Variants in OCA2 observed in about 807,000 individuals in gnomAD.
The protein encoded by OCA2 is OCA2 melanosomal transmembrane protein.
A neutral mutation model predicts 100.2 loss-of-function variants in OCA2; 77 were observed. The ratio of observed to expected loss-of-function variants is 0.77; its 90% CI spans 0.64 to 0.93. OCA2 has a LOEUF of 0.93. Among genes scored for constraint, OCA2 ranks in the 40% least tolerant of loss-of-function variants. The pLI is 0.00. For synonymous variants in OCA2, 432 were observed against 439.2 expected, an observed-to-expected ratio of 0.98 and a Z score of 0.21; for missense variants, 1,062 against 1,089.1, an observed-to-expected ratio of 0.98 and a Z score of 0.35.
intron 14 of OCA2, among the ~76,000 whole-genome samples, chr15:27,973,443 T>C (rs963472412): frequency 1.3e-5 from 2 of 152,360 alleles, no homozygotes; most frequent in South Asian, 4.1e-4. Flanking sequence ...AGAGTGTCTT[T>C]TACCCAGTTT....
chr15:27,801,402 A>G (rs912016258), intron 23 of OCA2, among the ~76,000 whole-genome samples: 1 of 152,102 alleles, frequency 6.6e-6, no homozygotes, highest in African/African-American at 2.4e-5. Flanking sequence ...AAATACAAAA[A>G]TTAGCTGAGT....
chr15:27,778,338 C>T (rs950447476), intron 23 of OCA2, among the ~76,000 whole-genome samples: 1 of 152,090 alleles, frequency 6.6e-6, no homozygotes, highest in African/African-American at 2.4e-5. Context: ...CGAGCTCATA[C>T]GCACCAGGAG....
chr15:27,802,242 A>C (rs2033645934), intron 23 of OCA2, among the ~76,000 whole-genome samples: 1 of 152,206 alleles, frequency 6.6e-6, no homozygotes, highest in South Asian at 2.1e-4. Context: ...AAGTTGACAA[A>C]ATATGTGAAA....
intron 11 of OCA2, 121 bp downstream of exon 11, chr15:27,989,480 T>G (rs997830883): frequency 2.5e-6 from 2 of 798,250 alleles, no homozygotes; most frequent in African/African-American, 3.4e-5. Flanking sequence ...CACTAACACT[T>G]CTCAGTCAAG....
chr15:27,741,750 G>A, the OCA2 span, among the ~76,000 whole-genome samples: 16 of 152,132 alleles, frequency 1.1e-4, no homozygotes, highest in South Asian at 4.1e-4. Flanking sequence ...GAGGGGACGG[G>A]GGCTTCTTAA....
At chr15:27,754,242 G>A (rs950719336), downstream of OCA2, among the ~76,000 whole-genome samples, 1 of 152,200 alleles carries the variant, frequency 6.6e-6, no homozygotes, top group Non-Finnish European at 1.5e-5. Flanking sequence ...GAAGAACTGT[G>A]TTGCCATTCG....
chr15:27,826,443 C>G (rs2034726146), intron 23 of OCA2, among the ~76,000 whole-genome samples: 1 of 152,198 alleles, frequency 6.6e-6, no homozygotes, highest in South Asian at 2.1e-4. Context: ...ACTACACTCC[C>G]ACAGCCAACT....
the OCA2 span, among the ~76,000 whole-genome samples, chr15:27,729,046 A>G: frequency 2.6e-5 from 4 of 152,160 alleles, no homozygotes; most frequent in African/African-American, 9.6e-5. Flanking sequence ...GAAATCACTT[A>G]CAGGTTCTGC....
intron 23 of OCA2, among the ~76,000 whole-genome samples, chr15:27,828,348 A>G (rs1042376541): frequency 9.2e-5 from 14 of 152,206 alleles, no homozygotes; most frequent in African/African-American, 3.4e-4. Context: ...CTGACTGCTC[A>G]GTGCCGGCAT....
At chr15:27,943,525 G>A (rs566232607) in intron 18 of OCA2, among the ~76,000 whole-genome samples, 1 of 151,924 alleles carries the variant, frequency 6.6e-6, no homozygotes, top group African/African-American at 2.4e-5. Flanking sequence ...CTAAGACTCT[G>A]GTAATTTTTT....
At chr15:27,762,241 T>C (rs1380271778) in intron 23 of OCA2, among the ~76,000 whole-genome samples, 2 of 151,408 alleles carry the variant, frequency 1.3e-5, no homozygotes, top group African/African-American at 2.4e-5. Context: ...TCCATGTCCA[T>C]GTGAGACAGA....
At chr15:28,091,233 T>C (rs1265693188) in intron 1 of OCA2, among the ~76,000 whole-genome samples, 1 of 152,220 alleles carries the variant, frequency 6.6e-6, no homozygotes, top group East Asian at 1.9e-4. Context: ...ATGGTTTCAC[T>C]AGAGAATTCT....
At chr15:27,736,874 G>A in the OCA2 span, among the ~76,000 whole-genome samples, 5 of 152,284 alleles carry the variant, frequency 3.3e-5, no homozygotes, top group East Asian at 9.6e-4. Flanking sequence ...AATGGGATAA[G>A]AGAATAGACT....
Position 28,069,144 on chromosome 15 carries a change from G to A in OCA2, c.227+12504C>T, listed in dbSNP as rs2044114772. 2.0e-5 allele frequency among the ~76,000 whole-genome samples: 3 copies of A among 152,058 alleles called. No homozygotes were observed. The South Asian group carries it at 6.2e-4, about 32-fold the overall frequency. On this transcript the variant is annotated intron_variant, in intron 2 of 23. Coordinates refer to ENST00000354638, the MANE Select transcript of OCA2 (RefSeq NM_000275.3). ...AGCCATCCAAACAAGAAAAGAGGAA[G>A]TCAAGCTATCTCTCTTCACGGACAA...
chr15:27,959,305 C>G (rs1216001612), intron 15 of OCA2, among the ~76,000 whole-genome samples: 1 of 152,170 alleles, frequency 6.6e-6, no homozygotes, highest in East Asian at 1.9e-4. Context: ...CCAAAATTTC[C>G]TCTTGAAAAG....
chr15:28,094,363 C>T (rs955006979), intron 1 of OCA2, among the ~76,000 whole-genome samples: 1 of 152,118 alleles, frequency 6.6e-6, no homozygotes, highest in African/African-American at 2.4e-5. Context: ...GGGCAGAGCT[C>T]CCGCCCGTAG....
intron 1 of OCA2, among the ~76,000 whole-genome samples, chr15:28,096,642 A>AT (rs2044989683): frequency 6.6e-6 from 1 of 152,170 alleles, no homozygotes; most frequent in African/African-American, 2.4e-5. Context: ...GTGACCGTAT[A>AT]TCCCTTCAGG....
intron 2 of OCA2, among the ~76,000 whole-genome samples, chr15:28,042,237 A>G (rs2043224347): frequency 6.6e-6 from 1 of 152,174 alleles, no homozygotes; most frequent in Non-Finnish European, 1.5e-5. Flanking sequence ...TGATGGGATG[A>G]AAGACTGTAC....
At chr15:27,722,998 T>C in the OCA2 span, among the ~76,000 whole-genome samples, 23 of 151,852 alleles carry the variant, frequency 1.5e-4, no homozygotes, top group African/African-American at 4.6e-4. Flanking sequence ...TGCACCACCA[T>C]GCCTGGCTAA....
Sources: gnomAD v4.1 joint callset for allele counts (sites outside exome capture counted in the v4.1 genomes callset) on GRCh38, gnomAD v4.1.1 for gene constraint, MANE v1.5 for transcripts, NCBI Gene and HGNC (gene_info 2026-07-23, HGNC 2026-07-21) for gene names.